Variants in MICAL2 observed in about 807,000 individuals in gnomAD.
The protein encoded by MICAL2 is microtubule associated monooxygenase, calponin and LIM domain containing 2.
MICAL2 carries 77 observed loss-of-function variants against 127.3 expected under a neutral mutation model. The ratio of observed to expected loss-of-function variants is 0.60; its 90% confidence interval spans 0.50 to 0.73. The LOEUF is 0.73. MICAL2 is among the 30% of genes least tolerant of loss of function. The probability of loss-of-function intolerance (pLI) is 0.00; values close to 1 mark genes in which losing one functional copy is unlikely to be tolerated. For missense variants in MICAL2, 1,351 were observed against 1,434.4 expected, an observed-to-expected ratio of 0.94 and a Z score of 0.94; for synonymous variants, 570 against 551.1, an observed-to-expected ratio of 1.03 and a Z score of -0.48.
At chr11:12,300,900 A>C (rs1864039007) in intron 29 of MICAL2, among the ~76,000 whole-genome samples, 1 of 151,930 alleles carries the variant, frequency 6.6e-6, no homozygotes, top group Non-Finnish European at 1.5e-5. Flanking sequence ...ACAAGTATAT[A>C]CTCTTTTGTG....
intron 31 of MICAL2, among the ~76,000 whole-genome samples, chr11:12,324,277 G>A (rs1319285156): frequency 2.6e-5 from 4 of 152,280 alleles, no homozygotes; most frequent in Non-Finnish European, 4.4e-5. Context: ...GAGAGCCCCC[G>A]TGTTAATCTG....
chr11:12,281,816 C>A (rs547752038), intron 2 of MICAL2, among the ~76,000 whole-genome samples: 1 of 152,206 alleles, frequency 6.6e-6, no homozygotes, highest in Admixed American at 6.5e-5. Flanking sequence ...AGGTAGCTGT[C>A]TTTAGCAGCC....
At chr11:12,334,099 T>TA (rs747020714) in intron 32 of MICAL2, among the ~76,000 whole-genome samples, 1 of 152,150 alleles carries the variant, frequency 6.6e-6, no homozygotes, top group East Asian at 1.9e-4. Flanking sequence ...CTCAAGTTGT[T>TA]AGTCAATAGA....
chr11:12,319,567 C>G, intron 29 of MICAL2: 1 of 665,908 alleles, frequency 1.5e-6, no homozygotes, highest in Non-Finnish European at 2.6e-6. Context: ...ATGCTCACGG[C>G]AGGTGCAGTG....
chr11:12,191,631 G>A (rs1036423134), intron 3 of MICAL2, among the ~76,000 whole-genome samples: 1 of 152,128 alleles, frequency 6.6e-6, no homozygotes, highest in African/African-American at 2.4e-5. Flanking sequence ...GCTGGGCATG[G>A]TGGTGCACAC....
intron 2 of MICAL2, among the ~76,000 whole-genome samples, chr11:12,140,342 G>A (rs1379887076): frequency 6.6e-6 from 1 of 152,228 alleles, no homozygotes; most frequent in Admixed American, 6.5e-5. Context: ...CCAAGGCAAT[G>A]CAGCTGTCTA....
intron 3 of MICAL2, 61 bp from the exon 4 acceptor site, chr11:12,204,189 G>T: frequency 6.6e-7 from 1 of 1,509,808 alleles, no homozygotes; most frequent in South Asian, 1.1e-5. Context: ...CTGCTGACTG[G>T]GGGTTCGTGT....
chr11:12,255,805 G>A, intron 23 of MICAL2, 55 bp downstream of exon 23: 1 of 1,458,700 alleles, frequency 6.9e-7, no homozygotes, highest in Non-Finnish European at 9.5e-7. Context: ...GGCATCCCAG[G>A]GCGGGCACAT....
chr11:12,346,157 C>A (rs1297566778), intron 32 of MICAL2, among the ~76,000 whole-genome samples: 1 of 152,174 alleles, frequency 6.6e-6, no homozygotes, highest in Non-Finnish European at 1.5e-5. Flanking sequence ...TCCTTCGTCC[C>A]ATGGATAATT....
At chr11:12,185,141 A>G (rs1259214546) in intron 3 of MICAL2, among the ~76,000 whole-genome samples, 4 of 42,692 alleles carry the variant, frequency 9.4e-5, no homozygotes, top group Non-Finnish European at 1.8e-4. Flanking sequence ...GGGTGGGGGG[A>G]TGGATGGGTG....
At chr11:12,205,292 G>A (rs1854539735) in intron 4 of MICAL2, among the ~76,000 whole-genome samples, 1 of 152,162 alleles carries the variant, frequency 6.6e-6, no homozygotes, top group African/African-American at 2.4e-5. Context: ...CTTTGCAGTG[G>A]GGAGGTCTTT....
chr11:12,298,884 A>G (rs1864015376), intron 29 of MICAL2, among the ~76,000 whole-genome samples: 1 of 152,168 alleles, frequency 6.6e-6, no homozygotes, highest in South Asian at 2.1e-4. Context: ...ATTACTTTAC[A>G]TGATGTCTTA....
At chr11:12,316,410 T>G (rs1864232149) in intron 29 of MICAL2, among the ~76,000 whole-genome samples, 1 of 132,256 alleles carries the variant, frequency 7.6e-6, no homozygotes, top group Admixed American at 7.2e-5. Flanking sequence ...TCCTAGGTGG[T>G]TTTTTTTTTT....
rs572942644 is a variant in MICAL2 at position 12,212,446 on chromosome 11, C to T, written c.692-809C>T. Among the ~76,000 whole-genome samples the T allele has an allele frequency of 2.0e-5, 3 of 152,220 alleles. No homozygotes were observed. In the South Asian group the frequency reaches 6.2e-4, roughly 32 times the overall value. On this transcript the variant is annotated intron_variant, in intron 6 of 27. Coordinates refer to ENST00000683283, the MANE Select transcript of MICAL2 (RefSeq NM_001282663.2). Reference sequence around the variant, plus strand: ...AGCCATGATTGGCACCGCTGCTTTCCAGCCTGGGCAACAGAGCGAGACCCT... The same window carrying T: ...AGCCATGATTGGCACCGCTGCTTTCTAGCCTGGGCAACAGAGCGAGACCCT...
chr11:12,194,905 C>T (rs1859688898), intron 3 of MICAL2, among the ~76,000 whole-genome samples: 1 of 152,138 alleles, frequency 6.6e-6, no homozygotes, highest in Non-Finnish European at 1.5e-5. Flanking sequence ...ATATGTGCAC[C>T]TTTCTGCAGT....
Position 12,350,245 on chromosome 11 carries a change from G to C in MICAL2, c.5615+308G>C, listed in dbSNP as rs181219345. Among the ~76,000 whole-genome samples the C allele has an allele frequency of 2.0e-5, 3 of 152,294 alleles. No individual in the cohort carries two copies. The East Asian group carries it at 5.8e-4, about 29-fold the overall frequency. ...TGTTCCCTGGGTCCATCTTAAAAGA[G>C]GGATCACACACCTGCAATGGGAAGG... On this transcript the variant is annotated intron_variant, in intron 33 of 34. Transcript: ENST00000646065.
intron 26 of MICAL2, 144 bp from the exon 27 acceptor site, chr11:12,262,336 T>G: frequency 6.6e-7 from 1 of 1,516,416 alleles, no homozygotes; most frequent in South Asian, 1.3e-5. Flanking sequence ...AGCGACTCTT[T>G]CAGAGGAAGT....
At position 12,147,065 on chromosome 11, in the gene MICAL2, T is replaced by TG. The variant is rs1853000811; in HGVS notation, c.-78+8611dup. ...TCACATACCGGGGCCTGTTATGGGG[T>TG]GGGGGGAGCAGGGAAGGATAGCATT... On this transcript the variant is annotated intron_variant, in intron 2 of 27. Transcript: ENST00000683283. 2.1e-5 allele frequency among the ~76,000 whole-genome samples: 3 copies of TG among 145,714 alleles called. No individual in the cohort carries two copies. The South Asian group carries it at 6.8e-4, about 33-fold the overall frequency.
chr11:12,220,168 G>T (rs745456847), intron 8 of MICAL2, 33 bp from the exon 9 acceptor site: 2 of 1,612,298 alleles, frequency 1.2e-6, no homozygotes, highest in Non-Finnish European at 1.7e-6. Context: ...TTTAGAGGGG[G>T]AGGTTGCTGC....
Sources: gnomAD v4.1 joint callset for allele counts (sites outside exome capture counted in the v4.1 genomes callset) on GRCh38, gnomAD v4.1.1 for gene constraint, MANE v1.5 for transcripts, NCBI Gene and HGNC (gene_info 2026-07-23, HGNC 2026-07-21) for gene names.